Variants in PHLPP1 observed in about 807,000 individuals in gnomAD.
PHLPP1 encodes PH domain leucine-rich repeat-containing protein phosphatase 1.
PHLPP1 carries 42 observed loss-of-function variants against 117.2 expected under a neutral mutation model. That is an observed-to-expected ratio of 0.36 (90% CI 0.28 to 0.46). The LOEUF is 0.46. Among genes scored for constraint, PHLPP1 ranks in the 20% least tolerant of loss-of-function variants. The probability of loss-of-function intolerance (pLI) is 1.00; values close to 1 mark genes in which losing one functional copy is unlikely to be tolerated. For missense variants in PHLPP1, 2,084 were observed against 2,241.9 expected, an observed-to-expected ratio of 0.93 and a Z score of 1.42; for synonymous variants, 1,042 against 970.7, an observed-to-expected ratio of 1.07 and a Z score of -1.37.
rs78069124 is a variant in PHLPP1 at position 62,796,209 on chromosome 18, C to T, written c.1577-33826C>T. On this transcript the variant is annotated intron_variant, in intron 1 of 16. Transcript: ENST00000262719. ...CCAAGTTTGTAAAACTCAGAATTTT[C>T]AGAGCTGTAATAATAATAGTAAATA... Among the ~76,000 whole-genome samples, 1,270 of 152,280 alleles carry T rather than the reference C, an allele frequency of 8.3e-3. 9 individuals are homozygous for T. The highest frequency in any genetic ancestry group is 0.015 in the Non-Finnish European group (1,012 of 68,026).
intron 4 of PHLPP1, among the ~76,000 whole-genome samples, chr18:62,867,470 C>G (rs1004660583): frequency 2.6e-5 from 4 of 152,200 alleles, no homozygotes; most frequent in Non-Finnish European, 4.4e-5. Flanking sequence ...TTATTCACAG[C>G]TAAGGGATTT....
At chr18:62,890,911 G>A (rs1432695607) in intron 4 of PHLPP1, among the ~76,000 whole-genome samples, 1 of 151,998 alleles carries the variant, frequency 6.6e-6, no homozygotes, top group Non-Finnish European at 1.5e-5. Flanking sequence ...CTCTCAAATG[G>A]GGAAAAATAT....
At chr18:62,858,639 A>C (rs1177133470) in intron 3 of PHLPP1, among the ~76,000 whole-genome samples, 1 of 152,172 alleles carries the variant, frequency 6.6e-6, no homozygotes, top group African/African-American at 2.4e-5. Flanking sequence ...GTGGATATAA[A>C]ATGTGAATGA....
intron 1 of PHLPP1, among the ~76,000 whole-genome samples, chr18:62,792,862 C>T (rs535519520): frequency 8.2e-6 from 1 of 122,498 alleles, no homozygotes; most frequent in Non-Finnish European, 1.6e-5. Flanking sequence ...GAGCGAGCCT[C>T]TGTCTCAAAA....
intron 3 of PHLPP1, among the ~76,000 whole-genome samples, chr18:62,845,369 T>G (rs1250044524): frequency 6.6e-6 from 1 of 152,114 alleles, no homozygotes; most frequent in Non-Finnish European, 1.5e-5. Context: ...ACCCTAAACA[T>G]GCACAGTGTA....
chr18:62,926,097 T>C (rs895555340), intron 10 of PHLPP1, among the ~76,000 whole-genome samples: 12 of 152,236 alleles, frequency 7.9e-5, no homozygotes, highest in Non-Finnish European at 1.5e-4. Flanking sequence ...AAGGTATAGT[T>C]CTTAACCAGG....
intron 6 of PHLPP1, among the ~76,000 whole-genome samples, chr18:62,900,925 T>G (rs1916707752): frequency 6.6e-6 from 1 of 152,196 alleles, no homozygotes; most frequent in Admixed American, 6.5e-5. Flanking sequence ...TATGTACAGT[T>G]TTATCTGTCA....
chr18:62,923,714 G>T (rs776031662), intron 10 of PHLPP1, among the ~76,000 whole-genome samples: 7 of 151,852 alleles, frequency 4.6e-5, no homozygotes, highest in Non-Finnish European at 1.0e-4. Flanking sequence ...TTTTATTGAG[G>T]CATAATTTAA....
chr18:62,849,528 G>T (rs1045223919), intron 3 of PHLPP1, among the ~76,000 whole-genome samples: 2 of 151,134 alleles, frequency 1.3e-5, no homozygotes, highest in Non-Finnish European at 1.5e-5. Flanking sequence ...AGGCATTGTG[G>T]CACATGCCTG....
chr18:62,976,231 T>C (rs1376989339), intron 16 of PHLPP1, among the ~76,000 whole-genome samples: 2 of 152,132 alleles, frequency 1.3e-5, no homozygotes, highest in Admixed American at 6.5e-5. Context: ...GAGAGTGCAA[T>C]TGACATGCAG....
intron 1 of PHLPP1, among the ~76,000 whole-genome samples, chr18:62,790,766 T>C (rs1913432566): frequency 6.6e-6 from 1 of 152,124 alleles, no homozygotes; most frequent in Admixed American, 6.5e-5. Flanking sequence ...CTCTTGCCGT[T>C]AGTTGAGTGG....
chr18:62,937,129 G>A (rs1568167301), intron 10 of PHLPP1, among the ~76,000 whole-genome samples: 1 of 152,152 alleles, frequency 6.6e-6, no homozygotes, highest in African/African-American at 2.4e-5. Context: ...AGAGAATTTG[G>A]CTGTAAAATT....
At chr18:62,741,916 C>G (rs906411540) in intron 1 of PHLPP1, among the ~76,000 whole-genome samples, 1 of 151,810 alleles carries the variant, frequency 6.6e-6, no homozygotes, top group Non-Finnish European at 1.5e-5. Context: ...TGTAAGGGGC[C>G]ATATAATGGG....
At chr18:62,781,379 C>T (rs1913115264) in intron 1 of PHLPP1, among the ~76,000 whole-genome samples, 1 of 152,192 alleles carries the variant, frequency 6.6e-6, no homozygotes, top group Non-Finnish European at 1.5e-5. Flanking sequence ...AGGGCCTCGC[C>T]ATGGACAGTA....
At chr18:62,848,948 G>A (rs1271751315) in intron 3 of PHLPP1, among the ~76,000 whole-genome samples, 1 of 152,162 alleles carries the variant, frequency 6.6e-6, no homozygotes, top group African/African-American at 2.4e-5. Context: ...TGAAAACAAA[G>A]ATTTAAATAA....
intron 3 of PHLPP1, among the ~76,000 whole-genome samples, chr18:62,854,420 T>C (rs1481880986): frequency 1.3e-5 from 2 of 152,214 alleles, no homozygotes; most frequent in Admixed American, 1.3e-4. Context: ...CAAGGAATAA[T>C]GCCCCATGGG....
At position 62,919,958 on chromosome 18, in the gene PHLPP1, G is replaced by C; in HGVS notation, c.2805-1G>C. On this transcript the variant is annotated splice_acceptor_variant, in intron 9 of 16. Coordinates refer to ENST00000262719, the MANE Select transcript of PHLPP1 (RefSeq NM_194449.4). LOFTEE classifies it high-confidence loss of function. ...TTGGTCTTTTGTCCCTTTTTATACA[G>C]CTTATTTTGTAATAGCAGTCTCCGG... The C allele has an allele frequency of 6.3e-7, 1 of 1,583,272 alleles. No individual in the cohort carries two copies. The highest frequency in any genetic ancestry group is 1.1e-5 in the South Asian group (1 of 87,202).
At chr18:62,810,523 T>C (rs1466076969) in intron 1 of PHLPP1, among the ~76,000 whole-genome samples, 1 of 152,166 alleles carries the variant, frequency 6.6e-6, no homozygotes, top group Non-Finnish European at 1.5e-5. Context: ...TAAAGTTTAA[T>C]TTATAAATTA....
At chr18:62,858,268 T>A in intron 3 of PHLPP1, among the ~76,000 whole-genome samples, 1 of 151,282 alleles carries the variant, frequency 6.6e-6, no homozygotes, top group East Asian at 1.9e-4. Context: ...GAACCTTTTT[T>A]TTTTTTTTTT....
Sources: gnomAD v4.1 joint callset for allele counts (sites outside exome capture counted in the v4.1 genomes callset) on GRCh38, gnomAD v4.1.1 for gene constraint, MANE v1.5 for transcripts, NCBI Gene and HGNC (gene_info 2026-07-23, HGNC 2026-07-21) for gene names.